VGLL4: variants seen among roughly 807,000 people sequenced by gnomAD.
VGLL4 encodes transcription cofactor vestigial-like protein 4.
Under a neutral mutation model 21.0 loss-of-function variants are expected in VGLL4, and 7 were observed. That is an observed-to-expected ratio of 0.33 (90% CI 0.19 to 0.63). The LOEUF is 0.63. Among genes scored for constraint, VGLL4 ranks in the 20% least tolerant of loss-of-function variants. The pLI is 0.78. For synonymous variants in VGLL4, 222 were observed against 173.2 expected, an observed-to-expected ratio of 1.28 and a Z score of -2.21; for missense variants, 394 against 425.7, an observed-to-expected ratio of 0.93 and a Z score of 0.66.
At chr3:11,601,784 G>A in intron 2 of VGLL4, 49 bp downstream of exon 2, 1 of 1,589,010 alleles carries the variant, frequency 6.3e-7, no homozygotes, top group East Asian at 2.3e-5. Flanking sequence ...AACAAATAAG[G>A]CCCCAGCACG....
chr3:11,705,969 A>G (rs1345383040), intron 1 of VGLL4, among the ~76,000 whole-genome samples: 2 of 152,192 alleles, frequency 1.3e-5, no homozygotes, highest in African/African-American at 4.8e-5. Flanking sequence ...AACTGCTGAT[A>G]AGCATCCTAC....
chr3:11,676,532 A>T (rs2076295356), intron 2 of VGLL4, among the ~76,000 whole-genome samples: 1 of 151,926 alleles, frequency 6.6e-6, no homozygotes, highest in Non-Finnish European at 1.5e-5. Flanking sequence ...TCATCTACTG[A>T]ATCACAAATC....
upstream of VGLL4, among the ~76,000 whole-genome samples, chr3:11,646,528 T>G (rs1559921716): frequency 1.3e-5 from 2 of 151,980 alleles, 1 homozygote; most frequent in South Asian, 4.2e-4. Context: ...GCAGTCAAGG[T>G]TGAGAACCAT....
chr3:11,593,814 G>T (rs1176264882), intron 2 of VGLL4, among the ~76,000 whole-genome samples: 1 of 152,150 alleles, frequency 6.6e-6, no homozygotes, highest in East Asian at 1.9e-4. Context: ...TGTTTCAAAG[G>T]CCCCCCATCA....
chr3:11,626,658 A>G (rs1422565820), intron 1 of VGLL4: 5 of 259,786 alleles, frequency 1.9e-5, no homozygotes, highest in Non-Finnish European at 3.9e-5. Flanking sequence ...TACAGACAAA[A>G]TGGGTATCAC....
At chr3:11,566,337 G>A (rs2073515257) in intron 2 of VGLL4, among the ~76,000 whole-genome samples, 1 of 152,114 alleles carries the variant, frequency 6.6e-6, no homozygotes, top group Non-Finnish European at 1.5e-5. Flanking sequence ...CTTGACTCCC[G>A]CGATGGTGAC....
chr3:11,636,972 A>C (rs552112744), intron 1 of VGLL4, among the ~76,000 whole-genome samples: 145 of 152,248 alleles, frequency 9.5e-4, no homozygotes, highest in Non-Finnish European at 1.6e-3. Context: ...TGGAGAAAAC[A>C]ACCTCTCAGG....
intron 2 of VGLL4, among the ~76,000 whole-genome samples, chr3:11,693,737 G>C (rs1198722303): frequency 6.6e-6 from 1 of 152,192 alleles, no homozygotes; most frequent in Non-Finnish European, 1.5e-5. Context: ...GGGGATGAAG[G>C]ACTGTCCCCG....
chr3:11,626,122 G>A (rs529536843), intron 1 of VGLL4, among the ~76,000 whole-genome samples: 1 of 152,328 alleles, frequency 6.6e-6, no homozygotes, highest in East Asian at 1.9e-4. Flanking sequence ...AGCAGAAAGA[G>A]AGCCAGCACT....
intron 1 of VGLL4, among the ~76,000 whole-genome samples, chr3:11,710,970 A>G (rs1282525580): frequency 6.6e-6 from 1 of 152,016 alleles, no homozygotes; most frequent in East Asian, 1.9e-4. Context: ...CGTGGTGGTG[A>G]GCACCTGTAA....
chr3:11,613,448 C>G lies in VGLL4; in HGVS notation c.83-11426G>C, dbSNP rs185590859. 2.6e-3 allele frequency among the ~76,000 whole-genome samples: 400 copies of G among 152,214 alleles called. 4 individuals carry two copies. Among genetic ancestry groups the G allele is most frequent in the Non-Finnish European group, 4.2e-3 (287 of 68,010 alleles). ...CTAAACTTTCCCTCTTCTGATCTCC[C>G]GTAACACTCCGAGCCTCTAGAATGG... On this transcript the variant is annotated intron_variant, in intron 1 of 4. Transcript: ENST00000430365.
In VGLL4 at chr3:11,601,930, G is replaced by A. The variant is rs763090675; in HGVS notation, c.175C>T (p.Pro59Ser). The A allele has an allele frequency of 2.5e-6, 4 of 1,613,524 alleles. No homozygotes were observed. The highest frequency in any genetic ancestry group is 3.4e-6 in the Non-Finnish European group (4 of 1,179,832). ...SHRTGPPPISPSKRKFSMEPG... is the reference protein window; with the variant it reads ...SHRTGPPPISSSKRKFSMEPG... ...TCCATGCTGAACTTCCTCTTGCTGG[G>A]GCTGATTGGGGGAGGGCCGGTGCGG... The change falls in exon 2 of 5, where the codon CCC (proline) becomes TCC (serine). Residue 59 changes from proline to serine, a missense_variant. Transcript: ENST00000430365.
At chr3:11,707,973 G>T (rs897127764) in intron 1 of VGLL4, among the ~76,000 whole-genome samples, 3 of 152,196 alleles carry the variant, frequency 2.0e-5, no homozygotes, top group Non-Finnish European at 4.4e-5. Context: ...CATGGCTACA[G>T]TATTAGATGG....
chr3:11,610,244 G>A (rs1247422021), intron 1 of VGLL4: 2 of 152,224 alleles, frequency 1.3e-5, no homozygotes, highest in African/African-American at 2.4e-5. Flanking sequence ...CCGGCAGCCA[G>A]GGCTTACTCA....
chr3:11,675,753 T>A (rs2076280461), intron 2 of VGLL4, among the ~76,000 whole-genome samples: 1 of 152,222 alleles, frequency 6.6e-6, no homozygotes, highest in Non-Finnish European at 1.5e-5. Flanking sequence ...ATTTAGTTAA[T>A]AATTTTCAAC....
intron 2 of VGLL4, among the ~76,000 whole-genome samples, chr3:11,672,960 G>A (rs2076238295): frequency 6.6e-6 from 1 of 152,180 alleles, no homozygotes; most frequent in South Asian, 2.1e-4. Context: ...TTCAAACCCA[G>A]CTTCCAGACT....
intron 2 of VGLL4, among the ~76,000 whole-genome samples, chr3:11,670,773 C>T (rs1305840741): frequency 6.6e-6 from 1 of 152,170 alleles, no homozygotes; most frequent in Non-Finnish European, 1.5e-5. Context: ...CACAGTGACT[C>T]ACGCCTGCAA....
intron 2 of VGLL4, among the ~76,000 whole-genome samples, chr3:11,679,352 T>A (rs1447763391): frequency 2.7e-5 from 4 of 150,872 alleles, no homozygotes; most frequent in African/African-American, 7.3e-5. Context: ...AACAAAAAAG[T>A]TTTAAAAGTA....
chr3:11,635,080 C>T (rs1283884736), intron 1 of VGLL4, among the ~76,000 whole-genome samples: 1 of 152,150 alleles, frequency 6.6e-6, no homozygotes, highest in Non-Finnish European at 1.5e-5. Flanking sequence ...ACTGAACTTG[C>T]CACTAGGATA....
Sources: allele counts gnomAD v4.1 joint callset (sites outside exome capture counted in the v4.1 genomes callset), GRCh38; gene constraint gnomAD v4.1.1; transcripts MANE v1.5; gene names NCBI Gene and HGNC (gene_info 2026-07-23, HGNC 2026-07-21).